Variants in PTPN21 observed in about 807,000 individuals in gnomAD.
PTPN21 encodes the protein protein tyrosine phosphatase non-receptor type 21.
In PTPN21, 77 loss-of-function variants were observed where a neutral mutation model predicts 131.8. The observed-to-expected ratio is 0.58, with a 90% CI of 0.49 to 0.71. The LOEUF is 0.71. Among genes scored for constraint, PTPN21 ranks in the 30% least tolerant of loss-of-function variants. The pLI is 0.00. For missense variants in PTPN21, 1,552 were observed against 1,527.1 expected (o/e 1.02, Z -0.27); for synonymous variants, 715 against 621.3 (o/e 1.15, Z -2.24).
intron 12 of PTPN21, among the ~76,000 whole-genome samples, chr14:88,482,858 AAGAC>A (rs1232329686): frequency 6.6e-6 from 1 of 151,404 alleles, no homozygotes; most frequent in Non-Finnish European, 1.5e-5. Context: ...CAGAGTGGCA[AAGAC>A]AGAGGAGTGG....
chr14:88,522,857 T>A (rs2078417013), intron 2 of PTPN21, among the ~76,000 whole-genome samples: 2 of 152,114 alleles, frequency 1.3e-5, no homozygotes, highest in Non-Finnish European at 2.9e-5. Context: ...GACTACAATA[T>A]CATCTGTTTC....
chr14:88,509,258 T>C (rs2078142887), intron 3 of PTPN21, among the ~76,000 whole-genome samples: 1 of 152,192 alleles, frequency 6.6e-6, no homozygotes, highest in Non-Finnish European at 1.5e-5. Context: ...GATACCGTAC[T>C]AAATGGAAAT....
At position 88,554,789 on chromosome 14, in the gene PTPN21, C is replaced by T. The variant is rs2078903664; in HGVS notation, c.-341G>A. On this transcript the variant is annotated 5_prime_UTR_variant, in exon 1 of 19. Transcript: ENST00000556564. ...GCGGCGCGCTCATGGGGCTCGCACG[C>T]CTCACTTCCTGTCTCCAAAAACCCG... is the stretch of plus-strand genomic sequence containing the variant. 6.6e-6 allele frequency: 1 copy of T among 151,212 alleles called. No individual in the cohort carries two copies. The highest frequency in any genetic ancestry group is 2.4e-5 in the African/African-American group (1 of 41,308). 9.4% of individuals were successfully genotyped at this position (151,212 alleles called of 1,614,324 possible).
chr14:88,470,340 G>T, intron 15 of PTPN21: 1 of 380,930 alleles, frequency 2.6e-6, no homozygotes, highest in Non-Finnish European at 4.8e-6. Context: ...TAAAGATACT[G>T]CCTACCGTCA....
intron 15 of PTPN21, among the ~76,000 whole-genome samples, chr14:88,471,530 C>T (rs2077468512): frequency 6.6e-6 from 1 of 152,118 alleles, no homozygotes; most frequent in Non-Finnish European, 1.5e-5. Flanking sequence ...GACCCCCTAT[C>T]TCTCACCATA....
intron 2 of PTPN21, among the ~76,000 whole-genome samples, chr14:88,525,377 GAAAC>G (rs1464591834): frequency 6.6e-6 from 1 of 152,024 alleles, no homozygotes; most frequent in African/African-American, 2.4e-5. Flanking sequence ...CATACAGAAA[GAAAC>G]AACCCAATAT....
intron 2 of PTPN21, among the ~76,000 whole-genome samples, chr14:88,542,018 T>G (rs1292742202): frequency 2.0e-5 from 3 of 152,182 alleles, no homozygotes; most frequent in Non-Finnish European, 4.4e-5. Flanking sequence ...ATTCTGTGTT[T>G]GCATCAGATC....
chr14:88,520,993 C>T (rs945318896), intron 2 of PTPN21, among the ~76,000 whole-genome samples: 3 of 151,952 alleles, frequency 2.0e-5, no homozygotes, highest in Non-Finnish European at 2.9e-5. Context: ...CAGGTGCATG[C>T]CACCACACCA....
At chr14:88,530,909 G>T (rs2078547863) in intron 2 of PTPN21, among the ~76,000 whole-genome samples, 1 of 152,140 alleles carries the variant, frequency 6.6e-6, no homozygotes, top group South Asian at 2.1e-4. Context: ...AGAAACAATG[G>T]ACTTAAACTA....
At chr14:88,501,666 C>A (rs922510958) in intron 6 of PTPN21, among the ~76,000 whole-genome samples, 1 of 152,088 alleles carries the variant, frequency 6.6e-6, no homozygotes, top group Non-Finnish European at 1.5e-5. Context: ...TCTTAAACCA[C>A]CAAGTAATTG....
Position 88,554,744 on chromosome 14 carries a change from C to T in PTPN21, c.-296G>A, listed in dbSNP as rs1281576369. The T allele has an allele frequency of 6.7e-6, 1 of 148,958 alleles. No individual in the cohort carries two copies. The highest frequency in any genetic ancestry group is 1.5e-5 in the Non-Finnish European group (1 of 66,924). The allele number at this position is 148,958 out of a possible 1,614,324, so 9.2% of individuals were successfully genotyped here. A position where few individuals can be genotyped will look rare whatever the true frequency, so the allele number is the denominator to read the frequency against. ...CCGCCGCGCGGCCGCCGCAGCCGCA[C>T]CCGCACGCCAGCCCGGGCCGCGGCG... is the stretch of plus-strand genomic sequence containing the variant. On this transcript the variant is annotated 5_prime_UTR_variant, in exon 1 of 19. In the 5' UTR this introduces an upstream ATG that the reference lacks. Transcript: ENST00000556564.
intron 2 of PTPN21, among the ~76,000 whole-genome samples, chr14:88,521,959 A>C (rs2078400994): frequency 1.3e-5 from 2 of 152,352 alleles, no homozygotes; most frequent in South Asian, 4.1e-4. Flanking sequence ...GAAAACTGTT[A>C]AAATATGCTA....
At chr14:88,532,306 A>T (rs1250717874) in intron 2 of PTPN21, among the ~76,000 whole-genome samples, 4 of 152,202 alleles carry the variant, frequency 2.6e-5, no homozygotes, top group African/African-American at 9.6e-5. Flanking sequence ...AGGACATAAC[A>T]AGTACAGATA....
Position 88,466,588 on chromosome 14 carries a change from A to G in PTPN21, c.*1549T>C, listed in dbSNP as rs74072628. ...GACCCCAAAAAGAAGGAAAAGGGAA[A>G]GGGTTCCTCAGCTAAATATCCCACT... On this transcript the variant is annotated 3_prime_UTR_variant, in exon 19 of 19. Coordinates refer to ENST00000556564, the MANE Select transcript of PTPN21 (RefSeq NM_007039.4). The G allele has an allele frequency of 0.04, 6,133 of 152,286 alleles. 405 individuals are homozygous for G. Among genetic ancestry groups the G allele is most frequent in the African/African-American group, 0.14 (5,835 of 41,532 alleles). 9.4% of individuals were successfully genotyped at this position (152,286 alleles called of 1,614,324 possible). A position where few individuals can be genotyped will look rare whatever the true frequency, so the allele number is the denominator to read the frequency against.
At chr14:88,496,151 G>A (rs1053908620) in intron 10 of PTPN21, among the ~76,000 whole-genome samples, 1 of 152,110 alleles carries the variant, frequency 6.6e-6, no homozygotes, top group African/African-American at 2.4e-5. Context: ...GCTTACCAGA[G>A]GATTGATTTA....
At chr14:88,484,498 G>A (rs1460620940) in intron 12 of PTPN21, among the ~76,000 whole-genome samples, 1 of 132,656 alleles carries the variant, frequency 7.5e-6, no homozygotes, top group African/African-American at 2.8e-5. Context: ...GTAACCCTGG[G>A]AATTCTTTGT....
chr14:88,533,531 G>A (rs1464419035), intron 2 of PTPN21, among the ~76,000 whole-genome samples: 1 of 152,180 alleles, frequency 6.6e-6, no homozygotes, highest in Admixed American at 6.5e-5. Flanking sequence ...AAATGACTAT[G>A]TTACTGATTT....
intron 2 of PTPN21, among the ~76,000 whole-genome samples, chr14:88,528,641 G>A (rs977587812): frequency 3.4e-4 from 52 of 152,000 alleles, no homozygotes; most frequent in African/African-American, 1.2e-3. Context: ...TAAGTCTCAT[G>A]AGATCTGATG....
intron 3 of PTPN21, 28 bp from the exon 4 acceptor site, chr14:88,508,048 C>A: frequency 8.0e-7 from 1 of 1,256,172 alleles, no homozygotes; most frequent in South Asian, 1.3e-5. Context: ...TGTATAAGGT[C>A]AATGTCAATA....
Sources: allele counts gnomAD v4.1 joint callset (sites outside exome capture counted in the v4.1 genomes callset), GRCh38; gene constraint gnomAD v4.1.1; transcripts MANE v1.5; gene names NCBI Gene and HGNC (gene_info 2026-07-23, HGNC 2026-07-21).